The following ATRNL1 variants were observed in gnomAD, a reference collection of about 807,000 sequenced individuals.
The protein encoded by ATRNL1 is attractin-like protein 1.
A neutral mutation model predicts 182.7 loss-of-function variants in ATRNL1; 95 were observed. The observed-to-expected ratio is 0.52, with a 90% CI of 0.44 to 0.62. The LOEUF (loss-of-function observed/expected upper bound fraction) is 0.62, where lower values mean the gene tolerates loss of function less well. Among genes scored for constraint, ATRNL1 ranks in the 20% least tolerant of loss-of-function variants. The probability of loss-of-function intolerance (pLI) is 0.00; values close to 1 mark genes in which losing one functional copy is unlikely to be tolerated. For synonymous variants in ATRNL1, 576 were observed against 568.3 expected (o/e 1.01, Z -0.19); for missense variants, 1,471 against 1,679.5 (o/e 0.88, Z 2.17).
chr10:115,718,039 T>C (rs549088956), intron 26 of ATRNL1, among the ~76,000 whole-genome samples: 1 of 152,338 alleles, frequency 6.6e-6, no homozygotes, highest in Admixed American at 6.5e-5. Flanking sequence ...CTGCCATGAT[T>C]CTTCGGGAAG....
chr10:115,852,265 G>T (rs1333056752), intron 28 of ATRNL1, among the ~76,000 whole-genome samples: 1 of 152,148 alleles, frequency 6.6e-6, no homozygotes, highest in African/African-American at 2.4e-5. Context: ...AAAGTCTAAG[G>T]TTTTGAAATT....
intron 26 of ATRNL1, among the ~76,000 whole-genome samples, chr10:115,609,944 T>A (rs1485221052): frequency 6.6e-6 from 1 of 152,130 alleles, no homozygotes; most frequent in Non-Finnish European, 1.5e-5. Flanking sequence ...GACGTGTTGT[T>A]TGTGAGTCTA....
intron 19 of ATRNL1, among the ~76,000 whole-genome samples, chr10:115,381,432 A>ATTTTTTTTTTTTTTTTTTTTTT (rs375127246): frequency 0.011 from 772 of 68,386 alleles, 176 homozygotes; most frequent in African/African-American, 0.041. Context: ...ATACCTGGCA[A>ATTTTTTTTTTTTTTTTTTTTTT]TTTTTTTTTT....
Position 115,266,948 on chromosome 10 carries a change from T to C in ATRNL1, c.1924T>C (p.Ser642Pro). Residue 642 changes from serine to proline, a missense_variant, in exon 12 of 29, where the codon TCT (serine) becomes CCT (proline). Around this residue, in one of 3 missense-constraint regions of ATRNL1, gnomAD observed 1,031 missense variants for 1,156.0 expected, o/e 0.89. Transcript: ENST00000355044. ...TGTTTGGAATAAAAATCACTGTGAA[T>C]CTTGGGAATCTGGGAATACTAATAA... is the stretch of plus-strand genomic sequence containing the variant. The part of the protein sequence containing the change: ...KCVWNKNHCE[S>P]WESGNTNNIL... The C allele has an allele frequency of 6.2e-7, 1 of 1,612,196 alleles. No homozygotes were observed. The highest frequency in any genetic ancestry group is 8.5e-7 in the Non-Finnish European group (1 of 1,178,836).
chr10:115,320,886 A>G (rs975708929), intron 18 of ATRNL1, among the ~76,000 whole-genome samples: 1 of 151,978 alleles, frequency 6.6e-6, no homozygotes, highest in Non-Finnish European at 1.5e-5. Context: ...TGTCCATCTC[A>G]TCGTCTGTCC....
intron 26 of ATRNL1, among the ~76,000 whole-genome samples, chr10:115,675,422 G>C (rs1175210390): frequency 6.6e-6 from 1 of 152,068 alleles, no homozygotes; most frequent in East Asian, 1.9e-4. Flanking sequence ...AAGAGAAAGA[G>C]AAAGAAGAAA....
intron 1 of ATRNL1, among the ~76,000 whole-genome samples, chr10:115,099,314 T>C (rs2085100799): frequency 6.6e-6 from 1 of 152,252 alleles, no homozygotes; most frequent in Non-Finnish European, 1.5e-5. Context: ...CCATAATTTG[T>C]TTATCCATTC....
At position 115,598,188 on chromosome 10, in the gene ATRNL1, A is replaced by G. The variant is rs17093336; in HGVS notation, c.3795+48652A>G. Among the ~76,000 whole-genome samples the G allele has an allele frequency of 2.9e-4, 44 of 151,482 alleles. 1 individual carries two copies. In the South Asian group the frequency reaches 8.7e-3, roughly 30 times the overall value. On this transcript the variant is annotated intron_variant, in intron 26 of 28. Coordinates refer to ENST00000355044, the MANE Select transcript of ATRNL1 (RefSeq NM_207303.4). ...CAATAGCATCAGCATATTAACAGCA[A>G]TATTCCTTTATTCAGTATAGCAGCT...
chr10:115,328,259 AC>A (rs1855023228), intron 18 of ATRNL1, among the ~76,000 whole-genome samples: 1 of 152,142 alleles, frequency 6.6e-6, no homozygotes, highest in Non-Finnish European at 1.5e-5. Context: ...TTTTCCATAA[AC>A]GTATTTATAC....
intron 26 of ATRNL1, among the ~76,000 whole-genome samples, chr10:115,560,119 G>A (rs938288467): frequency 6.6e-6 from 1 of 152,070 alleles, no homozygotes; most frequent in African/African-American, 2.4e-5. Flanking sequence ...AACTAAAAAC[G>A]AATTCAATTC....
chr10:115,389,415 A>C (rs1164243648), intron 19 of ATRNL1, among the ~76,000 whole-genome samples: 1 of 149,746 alleles, frequency 6.7e-6, no homozygotes, highest in Admixed American at 6.7e-5. Flanking sequence ...CGGGAGGCTG[A>C]GGCAGGAGAA....
At chr10:115,179,938 T>C (rs951304904) in intron 8 of ATRNL1, among the ~76,000 whole-genome samples, 2 of 152,124 alleles carry the variant, frequency 1.3e-5, no homozygotes, top group Non-Finnish European at 2.9e-5. Context: ...AACCCTTATT[T>C]ATGTATTTCT....
chr10:115,813,787 G>T (rs550372208), intron 27 of ATRNL1, among the ~76,000 whole-genome samples: 1 of 152,258 alleles, frequency 6.6e-6, no homozygotes, highest in African/African-American at 2.4e-5. Flanking sequence ...AATGGGTATT[G>T]ATGAAAAATG....
chr10:115,152,156 C>T (rs1486735154), intron 5 of ATRNL1, among the ~76,000 whole-genome samples: 2 of 152,152 alleles, frequency 1.3e-5, no homozygotes, highest in Non-Finnish European at 2.9e-5. Flanking sequence ...ATGATGCCTC[C>T]AGCTTTGTTC....
At chr10:115,148,856 T>C (rs1554879993) in intron 5 of ATRNL1, among the ~76,000 whole-genome samples, 1 of 151,476 alleles carries the variant, frequency 6.6e-6, no homozygotes, top group Non-Finnish European at 1.5e-5. Context: ...TTCAAGTGAT[T>C]CTCCTGTCTC....
chr10:115,809,232 G>C (rs1222930207), intron 27 of ATRNL1, among the ~76,000 whole-genome samples: 1 of 151,950 alleles, frequency 6.6e-6, no homozygotes, highest in African/African-American at 2.4e-5. Context: ...TGGTTATTGT[G>C]ACTATATTAG....
intron 28 of ATRNL1, among the ~76,000 whole-genome samples, chr10:115,905,813 A>C (rs1342905300): frequency 1.3e-5 from 2 of 152,222 alleles, no homozygotes; most frequent in African/African-American, 4.8e-5. Context: ...AATCCCTGGC[A>C]TCCAGCCCCA....
chr10:115,410,914 G>T (rs1238242379), intron 20 of ATRNL1, among the ~76,000 whole-genome samples: 1 of 150,768 alleles, frequency 6.6e-6, no homozygotes, highest in Non-Finnish European at 1.5e-5. Context: ...ATTTTTGTAT[G>T]TTTAGTAGAG....
intron 8 of ATRNL1, among the ~76,000 whole-genome samples, chr10:115,195,591 CAAAT>C (rs1406867986): frequency 1.3e-5 from 2 of 152,048 alleles, no homozygotes; most frequent in African/African-American, 2.4e-5. Context: ...GGTATATACT[CAAAT>C]AAGTATTTGA....
Sources: allele counts gnomAD v4.1 joint callset (sites outside exome capture counted in the v4.1 genomes callset), GRCh38; gene constraint gnomAD v4.1.1; regional missense constraint gnomAD v4.1.1; transcripts MANE v1.5; gene names NCBI Gene and HGNC (gene_info 2026-07-23, HGNC 2026-07-21).